Variants in UMAD1 observed in about 807,000 individuals in gnomAD.
The protein encoded by UMAD1 is UBAP1-MVB12-associated (UMA)-domain containing protein 1.
A neutral mutation model predicts 6.1 loss-of-function variants in UMAD1; 8 were observed. The ratio of observed to expected loss-of-function variants is 1.30; its 90% confidence interval spans 0.76 to 2.35. The LOEUF (loss-of-function observed/expected upper bound fraction) is 2.35. Ranked by LOEUF, UMAD1 falls within the 30% of genes most tolerant of loss-of-function variation. The pLI is 0.00. For missense variants in UMAD1, 130 were observed against 78.4 expected, an observed-to-expected ratio of 1.66 and a Z score of -2.49; for synonymous variants, 56 against 31.4, an observed-to-expected ratio of 1.78 and a Z score of -2.61.
rs182812961 is a variant in UMAD1 at position 7,758,487 on chromosome 7, C to T, written c.83-43183C>T. 3.2e-4 allele frequency among the ~76,000 whole-genome samples: 48 copies of T among 151,742 alleles called. 1 individual carries two copies. The highest frequency in any genetic ancestry group is 1.1e-3 in the African/African-American group (46 of 41,364). On this transcript the variant is annotated intron_variant, in intron 2 of 3. Coordinates refer to ENST00000682710, the MANE Select transcript of UMAD1 (RefSeq NM_001302348.2). ...TATAATACAACCAACATCCACATAC[C>T]TACCATCCAGCTTTAGAAAGAAAAC...
chr7:7,846,561 G>A (rs1041672110), intron 3 of UMAD1, among the ~76,000 whole-genome samples: 2 of 152,054 alleles, frequency 1.3e-5, no homozygotes, highest in African/African-American at 2.4e-5. Flanking sequence ...GCTCAGCTGA[G>A]TAGTAATATT....
intron 1 of UMAD1, chr7:7,641,459 G>A (rs1157345911): frequency 6.6e-6 from 1 of 152,226 alleles, no homozygotes; most frequent in Non-Finnish European, 1.5e-5. Context: ...TGATTTGCAA[G>A]GTCCCAGTTG....
At chr7:7,741,542 A>C (rs1256782991) in intron 2 of UMAD1, among the ~76,000 whole-genome samples, 1 of 150,526 alleles carries the variant, frequency 6.6e-6, no homozygotes, top group Non-Finnish European at 1.5e-5. Context: ...ACATCACTGC[A>C]CTCCAGCCTG....
chr7:7,710,012 A>AC (rs1409482879), intron 2 of UMAD1, among the ~76,000 whole-genome samples: 2 of 152,138 alleles, frequency 1.3e-5, no homozygotes, highest in Non-Finnish European at 2.9e-5. Context: ...ATGTTTTACA[A>AC]CCATATATAA....
intron 3 of UMAD1, among the ~76,000 whole-genome samples, chr7:7,862,553 C>A (rs1339325270): frequency 2.0e-5 from 3 of 152,178 alleles, no homozygotes; most frequent in Non-Finnish European, 4.4e-5. Flanking sequence ...TTCTTCAGAC[C>A]TGTGGTATAC....
chr7:7,732,275 A>G (rs1364822514), intron 2 of UMAD1, among the ~76,000 whole-genome samples: 1 of 152,060 alleles, frequency 6.6e-6, no homozygotes, highest in Non-Finnish European at 1.5e-5. Flanking sequence ...GAAATTTACT[A>G]ATTGTCCTTA....
At chr7:7,783,472 G>C (rs1782392519) in intron 2 of UMAD1, among the ~76,000 whole-genome samples, 1 of 151,992 alleles carries the variant, frequency 6.6e-6, no homozygotes, top group South Asian at 2.1e-4. Flanking sequence ...GAGCTACGAG[G>C]CTGGGAAGTG....
Position 7,749,850 on chromosome 7 carries a change from C to T in UMAD1, c.83-51820C>T, listed in dbSNP as rs536421939. Among the ~76,000 whole-genome samples the T allele has an allele frequency of 9.9e-5, 15 of 152,192 alleles. No individual in the cohort carries two copies. In the East Asian group the frequency reaches 2.7e-3, roughly 27 times the overall value. ...GATAGTTTATCTAAGTTCTGTAAAA[C>T]TTTTAATAATGTAAGTAACTACTAA... On this transcript the variant is annotated intron_variant, in intron 2 of 3. Coordinates refer to ENST00000682710, the MANE Select transcript of UMAD1 (RefSeq NM_001302348.2).
chr7:7,801,837 C>T, intron 3 of UMAD1, 94 bp downstream of exon 3: 1 of 679,108 alleles, frequency 1.5e-6, no homozygotes, highest in Non-Finnish European at 2.7e-6. Flanking sequence ...TCTGCTCTTG[C>T]TATGCCATAG....
At chr7:7,854,912 A>T (rs1423336083) in intron 3 of UMAD1, among the ~76,000 whole-genome samples, 1 of 152,196 alleles carries the variant, frequency 6.6e-6, no homozygotes, top group African/African-American at 2.4e-5. Flanking sequence ...TTGGGTAGAT[A>T]TACTTGTCCC....
intron 2 of UMAD1, among the ~76,000 whole-genome samples, chr7:7,787,666 G>A (rs1180280331): frequency 2.6e-5 from 4 of 151,990 alleles, no homozygotes; most frequent in African/African-American, 9.7e-5. Context: ...GAATACCAGA[G>A]ACCTATCAGT....
intron 3 of UMAD1, among the ~76,000 whole-genome samples, chr7:7,827,510 CAT>C (rs1334182281): frequency 6.6e-6 from 1 of 151,960 alleles, no homozygotes; most frequent in Admixed American, 6.6e-5. Flanking sequence ...AAAATTGACT[CAT>C]GTTTTAATAC....
intron 3 of UMAD1, among the ~76,000 whole-genome samples, chr7:7,838,862 T>A (rs1783621825): frequency 6.6e-6 from 1 of 152,150 alleles, no homozygotes; most frequent in South Asian, 2.1e-4. Flanking sequence ...ATTATGAAAT[T>A]CAAAACATGC....
intron 2 of UMAD1, among the ~76,000 whole-genome samples, chr7:7,779,173 G>A (rs1429044799): frequency 1.3e-5 from 2 of 152,168 alleles, no homozygotes; most frequent in South Asian, 4.1e-4. Context: ...TGAAGTGAGA[G>A]ATAGGTTATC....
chr7:7,656,532 G>T (rs1412283029), intron 1 of UMAD1, among the ~76,000 whole-genome samples: 1 of 152,032 alleles, frequency 6.6e-6, no homozygotes, highest in African/African-American at 2.4e-5. Flanking sequence ...TGTTCTCATT[G>T]CTCAACTCCC....
chr7:7,723,784 AG>A (rs1289570385), intron 2 of UMAD1, among the ~76,000 whole-genome samples: 2 of 152,212 alleles, frequency 1.3e-5, no homozygotes, highest in Admixed American at 6.5e-5. Context: ...AGGTAGGCAT[AG>A]CTACTGTAAT....
chr7:7,673,342 GCA>G lies in UMAD1; in HGVS notation c.-29_-28del, dbSNP rs1779655702. 1 of 1,263,522 alleles carries G rather than the reference GCA, an allele frequency of 7.9e-7. No homozygotes were observed. The highest frequency in any genetic ancestry group is 1.5e-5 in the African/African-American group (1 of 67,032). 78.3% of individuals were successfully genotyped at this position (1,263,522 alleles called of 1,614,324 possible). A position where few individuals can be genotyped will look rare whatever the true frequency, so the allele number is the denominator to read the frequency against. On this transcript the variant is annotated 5_prime_UTR_variant, in exon 2 of 4. Coordinates refer to ENST00000682710, the MANE Select transcript of UMAD1 (RefSeq NM_001302348.2). ...AGCAGCAGCAGCAGCAGCAGCAGCAGCAGCAGCAGCAGCAGCAGCAGCAGCAG... is the reference window on the plus strand; with the variant it reads ...AGCAGCAGCAGCAGCAGCAGCAGCAGGCAGCAGCAGCAGCAGCAGCAGCAG...
At chr7:7,870,383 A>G in intron 3 of UMAD1, among the ~76,000 whole-genome samples, 1 of 152,248 alleles carries the variant, frequency 6.6e-6, no homozygotes, top group Non-Finnish European at 1.5e-5. Context: ...CACAAAAATA[A>G]CAAATACGCT....
At chr7:7,665,302 G>T (rs902239721) in intron 1 of UMAD1, among the ~76,000 whole-genome samples, 1 of 152,124 alleles carries the variant, frequency 6.6e-6, no homozygotes, top group African/African-American at 2.4e-5. Context: ...AAGCAATTAG[G>T]CAGGCCCTTT....
Sources: allele counts gnomAD v4.1 joint callset (sites outside exome capture counted in the v4.1 genomes callset), GRCh38; gene constraint gnomAD v4.1.1; transcripts MANE v1.5; gene names NCBI Gene and HGNC (gene_info 2026-07-23, HGNC 2026-07-21).